S1PR1: variants seen among roughly 807,000 people sequenced by gnomAD.
S1PR1 encodes the protein sphingosine-1-phosphate receptor 1, also known as sphingosine 1-phosphate receptor 1.
S1PR1 carries 2 observed loss-of-function variants against 18.3 expected under a neutral mutation model. The observed-to-expected ratio is 0.11, with a 90% CI of 0.04 to 0.34. The LOEUF (loss-of-function observed/expected upper bound fraction) is 0.34. Ranked by LOEUF, S1PR1 falls within the 10% of genes least tolerant of loss-of-function variation. S1PR1 has a pLI of 1.00. For synonymous variants in S1PR1, 222 were observed against 211.2 expected (o/e 1.05, Z -0.44); for missense variants, 335 against 493.8 (o/e 0.68, Z 3.05).
Position 101,239,682 on chromosome 1 carries a change from G to A in S1PR1, c.698G>A (p.Arg233His), listed in dbSNP as rs1652820012. 2 of 1,613,954 alleles carry A rather than the reference G, an allele frequency of 1.2e-6. No individual in the cohort carries two copies. The highest frequency in any genetic ancestry group is 1.7e-6 in the Non-Finnish European group (2 of 1,180,014). Residue 233 changes from arginine (R) to histidine (H), a missense_variant, in exon 2 of 2, where the codon CGC becomes CAC. This residue lies in a region of S1PR1 where 214 missense variants were observed against 366.6 expected (regional missense o/e 0.58). Coordinates refer to ENST00000305352, the MANE Select transcript of S1PR1 (RefSeq NM_001400.5). This position sits in a 1 kb window ranked among gnomAD's most constrained non-coding sequence, Gnocchi z 6.3. ...RIYSLVRTRS[R>H]RLTFRKNISK... ...TACTCCTTGGTCAGGACTCGGAGCC[G>A]CCGCCTGACGTTCCGCAAGAACATT...
chr1:101,239,216 C>A lies in S1PR1; in HGVS notation c.232C>A (p.Arg78=), dbSNP rs150493209. 7.1e-5 allele frequency: 114 copies of A among 1,614,188 alleles called. No homozygotes were observed. In the African/African-American group the frequency reaches 1.4e-3, roughly 20 times the overall value. ...LTIWKTKKFH[R]PMYYFIGNLA... ...CATTTGGAAAACCAAGAAATTCCAC[C>A]GACCCATGTACTATTTTATTGGCAA... The change falls in exon 2 of 2, where the codon CGA becomes AGA. Residue 78 remains arginine, a synonymous_variant. Coordinates refer to ENST00000305352, the MANE Select transcript of S1PR1 (RefSeq NM_001400.5). This position sits in a 1 kb window ranked among gnomAD's most constrained non-coding sequence, Gnocchi z 6.3.
upstream of S1PR1, chr1:101,236,920 A>G (rs1191325405): frequency 2.0e-5 from 3 of 152,124 alleles, no homozygotes; most frequent in Non-Finnish European, 4.4e-5. Context: ...CGTAGCAGGC[A>G]GGGAACTGGC....
chr1:101,241,905 G>T (rs1357557775), downstream of S1PR1, among the ~76,000 whole-genome samples: 2 of 151,750 alleles, frequency 1.3e-5, no homozygotes, highest in Non-Finnish European at 2.9e-5. Context: ...TAAATGATGA[G>T]ACTCAATCAT....
In S1PR1 at chr1:101,239,812, C is replaced by G; in HGVS notation, c.828C>G (p.Leu276=). The change falls in exon 2 of 2, where the codon CTC becomes CTG. Residue 276 remains leucine (L), a synonymous_variant. Transcript: ENST00000305352. This position sits in a 1 kb window ranked among gnomAD's most constrained non-coding sequence, Gnocchi z 6.3. ...IACWAPLFIL[L]LLDVGCKVKT... The stretch of plus-strand genomic sequence containing the variant: ...GCTGGGCACCGCTCTTCATCCTGCT[C>G]CTGCTGGATGTGGGCTGCAAGGTGA... The G allele has an allele frequency of 6.2e-7, 1 of 1,613,788 alleles. No homozygotes were observed. The highest frequency in any genetic ancestry group is 1.1e-5 in the South Asian group (1 of 91,074).
At chr1:101,238,575 C>T (rs1652783019) in intron 1 of S1PR1, among the ~76,000 whole-genome samples, 1 of 151,356 alleles carries the variant, frequency 6.6e-6, no homozygotes, top group Admixed American at 6.6e-5. Context: ...TCCCATTTCC[C>T]TTTGAGTGAA....
Position 101,239,562 on chromosome 1 carries a change from C to T in S1PR1, c.578C>T (p.Thr193Ile). The change falls in exon 2 of 2, where the codon ACC becomes ATC. Residue 193 changes from threonine to isoleucine, a missense_variant. By Grantham distance (89) the Thr-to-Ile change is moderately conservative (BLOSUM62 -1). Transcript: ENST00000305352. This position sits in a 1 kb window ranked among gnomAD's most constrained non-coding sequence, Gnocchi z 6.3. ...ATCAGTGCGCTGTCCAGCTGCTCCA[C>T]CGTGCTGCCGCTCTACCACAAGCAC... ...NCISALSSCS[T>I]VLPLYHKHYI... The T allele has an allele frequency of 6.2e-7, 1 of 1,614,040 alleles. No individual in the cohort carries two copies.
chr1:101,239,997 G>A lies in S1PR1; in HGVS notation c.1013G>A (p.Gly338Asp). The A allele has an allele frequency of 6.2e-7, 1 of 1,614,104 alleles. No homozygotes were observed. The highest frequency in any genetic ancestry group is 8.5e-7 in the Non-Finnish European group (1 of 1,180,024). The change falls in exon 2 of 2, where the codon GGC becomes GAC. Residue 338 changes from glycine to aspartate, a missense_variant. This residue lies in a region of S1PR1 where 90 missense variants were observed against 97.6 expected (regional missense o/e 0.92). Transcript: ENST00000305352. The surrounding 1 kb of genome is among the most constrained non-coding windows in gnomAD (Gnocchi z 6.3). Reference sequence around the variant, plus strand: ...AAGTGCCCGAGCGGAGACTCTGCTGGCAAATTCAAGCGACCCATCATCGCC... The same window carrying A: ...AAGTGCCCGAGCGGAGACTCTGCTGACAAATTCAAGCGACCCATCATCGCC... ...CCKCPSGDSA[G>D]KFKRPIIAGM...
At position 101,239,705 on chromosome 1, in the gene S1PR1, A is replaced by G. The variant is rs201256202; in HGVS notation, c.721A>G (p.Ile241Val). 8.7e-6 allele frequency: 14 copies of G among 1,613,994 alleles called. No individual in the cohort carries two copies. The highest frequency in any genetic ancestry group is 1.1e-5 in the Non-Finnish European group (13 of 1,180,026). Residue 241 changes from isoleucine to valine, a missense_variant, in exon 2 of 2, where the codon ATT (isoleucine) becomes GTT (valine). Physicochemically the swap from Ile to Val is conservative, Grantham distance 29. This residue lies in a region of S1PR1 where 214 missense variants were observed against 366.6 expected (regional missense o/e 0.58). Coordinates refer to ENST00000305352, the MANE Select transcript of S1PR1 (RefSeq NM_001400.5). The surrounding 1 kb of genome is among the most constrained non-coding windows in gnomAD (Gnocchi z 6.3). ...RSRRLTFRKN[I>V]SKASRSSEKS... ...CCGCCGCCTGACGTTCCGCAAGAAC[A>G]TTTCCAAGGCCAGCCGCAGCTCTGA...
At chr1:101,238,686 T>A (rs1166405473) in intron 1 of S1PR1, 136 bp from the exon 2 acceptor site, 9 of 328,714 alleles carry the variant, frequency 2.7e-5, no homozygotes, top group East Asian at 1.9e-4. Context: ...TTAAAAAAAA[T>A]CTCTCTCCCT....
rs1195268496 is a variant in S1PR1 at position 101,240,922 on chromosome 1, A to G, written c.*789A>G. The G allele has an allele frequency of 1.2e-5, 2 of 167,258 alleles. No homozygotes were observed. The highest frequency in any genetic ancestry group is 4.8e-5 in the African/African-American group (2 of 41,454). 10.4% of individuals were successfully genotyped at this position (167,258 alleles called of 1,614,324 possible). On this transcript the variant is annotated 3_prime_UTR_variant, in exon 2 of 2. Transcript: ENST00000305352. ...TAAGGAAGCCCACTTTATCTAAATG[A>G]TATTAGCCAGGATCCTTGGTGTCCT...
At position 101,240,278 on chromosome 1, in the gene S1PR1, C is replaced by A; in HGVS notation, c.*145C>A. ...GAGGAAGGGGGAGAATACGAACAGC[C>A]TGGTGGTGTCGGGTGTTGGTGGGTA... On this transcript the variant is annotated 3_prime_UTR_variant, in exon 2 of 2. Coordinates refer to ENST00000305352, the MANE Select transcript of S1PR1 (RefSeq NM_001400.5). 1 of 809,280 alleles carries A rather than the reference C, an allele frequency of 1.2e-6. No individual in the cohort carries two copies. Among genetic ancestry groups the A allele is most frequent in the Non-Finnish European group, 2.0e-6 (1 of 506,098 alleles). The allele number at this position is 809,280 out of a possible 1,614,324, so 50.1% of individuals were successfully genotyped here.
Position 101,239,973 on chromosome 1 carries a change from A to G in S1PR1, c.989A>G (p.Lys330Arg). The G allele has an allele frequency of 6.2e-7, 1 of 1,614,120 alleles. No individual in the cohort carries two copies. The highest frequency in any genetic ancestry group is 8.5e-7 in the Non-Finnish European group (1 of 1,180,022). Residue 330 changes from lysine to arginine, a missense_variant, in exon 2 of 2, where the codon AAG (lysine) becomes AGG (arginine). Transcript: ENST00000305352. This position sits in a 1 kb window ranked among gnomAD's most constrained non-coding sequence, Gnocchi z 6.3. Reference sequence around the variant, plus strand: ...TTCATCCGGATCATGTCCTGCTGCAAGTGCCCGAGCGGAGACTCTGCTGGC... The same window carrying G: ...TTCATCCGGATCATGTCCTGCTGCAGGTGCCCGAGCGGAGACTCTGCTGGC... Reference protein sequence around the residue: ...RAFIRIMSCCKCPSGDSAGKF... With the variant: ...RAFIRIMSCCRCPSGDSAGKF...
chr1:101,238,677 T>TAA (rs35016388), intron 1 of S1PR1, 145 bp from the exon 2 acceptor site: 25 of 306,486 alleles, frequency 8.2e-5, no homozygotes, highest in Non-Finnish European at 1.1e-4. Flanking sequence ...ATTTGATTTT[T>TAA]AAAAAAAATC....
At position 101,239,742 on chromosome 1, in the gene S1PR1, C is replaced by A; in HGVS notation, c.758C>A (p.Ala253Glu). 1 of 1,613,824 alleles carries A rather than the reference C, an allele frequency of 6.2e-7. No individual in the cohort carries two copies. Among genetic ancestry groups the A allele is most frequent in the Non-Finnish European group, 8.5e-7 (1 of 1,180,016 alleles). The change falls in exon 2 of 2, where the codon GCG becomes GAG. Residue 253 changes from alanine (A) to glutamate (E), a missense_variant. Coordinates refer to ENST00000305352, the MANE Select transcript of S1PR1 (RefSeq NM_001400.5). The surrounding 1 kb of genome is among the most constrained non-coding windows in gnomAD (Gnocchi z 6.3). Reference sequence around the variant, plus strand: ...AGCCGCAGCTCTGAGAAGTCGCTGGCGCTGCTCAAGACCGTAATTATCGTC... The same window carrying A: ...AGCCGCAGCTCTGAGAAGTCGCTGGAGCTGCTCAAGACCGTAATTATCGTC... ...KASRSSEKSL[A>E]LLKTVIIVLS...
Position 101,241,479 on chromosome 1 carries a change from T to C in S1PR1, c.*1346T>C, listed in dbSNP as rs929681613. On this transcript the variant is annotated 3_prime_UTR_variant, in exon 2 of 2. Coordinates refer to ENST00000305352, the MANE Select transcript of S1PR1 (RefSeq NM_001400.5). ...TTGTGGATCATTTTGCACATAGCTT[T>C]ATCAACTTTTAAACATTAATAAACT... 6.0e-6 allele frequency: 1 copy of C among 167,226 alleles called. No individual in the cohort carries two copies. 10.4% of individuals were successfully genotyped at this position (167,226 alleles called of 1,614,324 possible).
At position 101,240,341 on chromosome 1, in the gene S1PR1, A is replaced by T; in HGVS notation, c.*208A>T. The T allele has an allele frequency of 1.6e-6, 1 of 621,456 alleles. No individual in the cohort carries two copies. The allele number at this position is 621,456 out of a possible 1,614,324, so 38.5% of individuals were successfully genotyped here. On this transcript the variant is annotated 3_prime_UTR_variant, in exon 2 of 2. Coordinates refer to ENST00000305352, the MANE Select transcript of S1PR1 (RefSeq NM_001400.5). The stretch of plus-strand genomic sequence containing the variant: ...GTGAACAATGCACTGGGAAGGGTGG[A>T]GATCAGGTCCCGGCCTGGAATATAT...
rs1444060732 is a variant in S1PR1 at position 101,238,885 on chromosome 1, C to G, written c.-100C>G. ...TACACAAAAAGCCTGGATCACTCATCGAACCACCCCTGAAGCCAGTGAAGG... is the reference window on the plus strand; with the variant it reads ...TACACAAAAAGCCTGGATCACTCATGGAACCACCCCTGAAGCCAGTGAAGG... On this transcript the variant is annotated 5_prime_UTR_variant, in exon 2 of 2. It adds an upstream start codon to the 5' untranslated region. Transcript: ENST00000305352. The G allele has an allele frequency of 1.7e-6, 2 of 1,209,764 alleles. No homozygotes were observed. Among genetic ancestry groups the G allele is most frequent in the East Asian group, 2.5e-5 (1 of 39,528 alleles). The allele number at this position is 1,209,764 out of a possible 1,614,324, so 74.9% of individuals were successfully genotyped here.
chr1:101,242,200 AC>A (rs1483282591), downstream of S1PR1, among the ~76,000 whole-genome samples: 1 of 152,214 alleles, frequency 6.6e-6, no homozygotes, highest in Non-Finnish European at 1.5e-5. Context: ...TTTTCCAACT[AC>A]AAAATGAAGG....
At chr1:101,237,753 G>C (rs980171152) in intron 1 of S1PR1, among the ~76,000 whole-genome samples, 1 of 152,140 alleles carries the variant, frequency 6.6e-6, no homozygotes, top group Non-Finnish European at 1.5e-5. Context: ...AATGCACCAG[G>C]GAGCAGTTTA....
Sources: allele counts gnomAD v4.1 joint callset (sites outside exome capture counted in the v4.1 genomes callset), GRCh38; gene constraint gnomAD v4.1.1; regional missense constraint gnomAD v4.1.1; non-coding constraint Gnocchi (gnomAD v3.1); transcripts MANE v1.5; gene names NCBI Gene and HGNC (gene_info 2026-07-23, HGNC 2026-07-21).